The following PNPT1 variants were observed in gnomAD, a reference collection of about 807,000 sequenced individuals.
PNPT1 encodes polyribonucleotide nucleotidyltransferase 1, also known as polyribonucleotide nucleotidyltransferase 1, mitochondrial.
A neutral mutation model predicts 119.5 loss-of-function variants in PNPT1; 53 were observed. That is an observed-to-expected ratio of 0.44 (90% CI 0.36 to 0.56). The LOEUF (loss-of-function observed/expected upper bound fraction) is 0.56. PNPT1 is among the 20% of genes least tolerant of loss of function. The pLI, the probability that PNPT1 is intolerant of heterozygous loss-of-function variation, is 0.00. For missense variants in PNPT1, 948 were observed against 938.5 expected (o/e 1.01, Z -0.13); for synonymous variants, 357 against 322.1 (o/e 1.11, Z -1.16).
At chr2:55,683,680 A>T in intron 5 of PNPT1, 105 bp downstream of exon 5, 1 of 1,084,672 alleles carries the variant, frequency 9.2e-7, no homozygotes. Context: ...AGTATCATAA[A>T]AAATTCTTAT....
At chr2:55,688,515 A>T (rs1183399350) in intron 1 of PNPT1, among the ~76,000 whole-genome samples, 1 of 151,974 alleles carries the variant, frequency 6.6e-6, no homozygotes, top group Non-Finnish European at 1.5e-5. Flanking sequence ...ACCCGAGGTC[A>T]GGAGTTCAAG....
intron 19 of PNPT1, among the ~76,000 whole-genome samples, 158 bp downstream of exon 19, chr2:55,647,189 A>C (rs1696030443): frequency 6.6e-6 from 1 of 152,188 alleles, no homozygotes; most frequent in Non-Finnish European, 1.5e-5. Flanking sequence ...GAGGAAGGGA[A>C]GAACAAGTAC....
At chr2:55,642,433 C>T (rs77431267) in intron 25 of PNPT1, among the ~76,000 whole-genome samples, 25,953 of 151,048 alleles carry the variant, frequency 0.17, 2,568 homozygotes, top group East Asian at 0.32. Context: ...GGTAAAACCC[C>T]GTCTCTACTA....
At chr2:55,656,478 T>C in intron 15 of PNPT1, 107 bp from the exon 16 acceptor site, 1 of 1,087,130 alleles carries the variant, frequency 9.2e-7, no homozygotes, top group South Asian at 1.6e-5. Flanking sequence ...GAATCTCATT[T>C]TTGTTTTTTA....
intron 8 of PNPT1, among the ~76,000 whole-genome samples, chr2:55,678,321 ATT>A (rs1380608935): frequency 6.6e-6 from 1 of 152,154 alleles, no homozygotes; most frequent in Non-Finnish European, 1.5e-5. Context: ...TCCTCTCTAC[ATT>A]TTGATAGTTA....
chr2:55,642,328 C>T (rs559689619), intron 25 of PNPT1, among the ~76,000 whole-genome samples: 14 of 150,154 alleles, frequency 9.3e-5, no homozygotes, highest in Non-Finnish European at 1.8e-4. Context: ...TTCAGTTGGC[C>T]GGGCGCGGTG....
intron 10 of PNPT1, 94 bp from the exon 11 acceptor site, chr2:55,671,470 ACT>A (rs1572822637): frequency 1.4e-6 from 1 of 692,348 alleles, no homozygotes; most frequent in Non-Finnish European, 2.3e-6. Context: ...ATTGTGAATT[ACT>A]CTGATTTCTT....
chr2:55,683,653 G>A (rs1389833363), intron 5 of PNPT1, 132 bp downstream of exon 5: 16 of 650,806 alleles, frequency 2.5e-5, no homozygotes, highest in African/African-American at 1.7e-4. Flanking sequence ...TTTCAAAAAC[G>A]TAATGTAAAA....
chr2:55,647,493 A>C, intron 18 of PNPT1, 40 bp from the exon 19 acceptor site: 1 of 1,454,978 alleles, frequency 6.9e-7, no homozygotes, highest in Non-Finnish European at 9.4e-7. Context: ...TAATGTGTAC[A>C]TGAGCCTAAA....
chr2:55,686,217 T>C (rs1031881119), intron 3 of PNPT1, among the ~76,000 whole-genome samples, 153 bp downstream of exon 3: 3 of 152,228 alleles, frequency 2.0e-5, no homozygotes, highest in African/African-American at 7.2e-5. Flanking sequence ...AAGCAGTTTA[T>C]ACTCTTTTAA....
In PNPT1 at chr2:55,647,383, A is replaced by T. The variant is rs754237697; in HGVS notation, c.1566T>A (p.Gly522=). 23 of 1,609,780 alleles carry T rather than the reference A, an allele frequency of 1.4e-5. No individual in the cohort carries two copies. Among genetic ancestry groups the T allele is most frequent in the Non-Finnish European group, 2.0e-5 (23 of 1,177,366 alleles). Residue 522 remains glycine (G), a synonymous_variant, in exon 19 of 28, where the codon GGT becomes GGA. Coordinates refer to ENST00000447944, the MANE Select transcript of PNPT1 (RefSeq NM_033109.5). ...TCAGCAAACGATAATCTTCTATTTC[A>T]CCCTTCTCAGGATCGGTTTTGGTGA... The part of the protein sequence containing the change: ...GLVTKTDPEK[G]EIEDYRLLTD...
intron 19 of PNPT1, among the ~76,000 whole-genome samples, chr2:55,647,023 G>A (rs193026732): frequency 3.9e-4 from 60 of 152,166 alleles, no homozygotes; most frequent in African/African-American, 1.4e-3. Flanking sequence ...TTTTAGTAGA[G>A]ATGGAGTTTT....
At chr2:55,642,677 C>G (rs1572795467) in intron 25 of PNPT1, among the ~76,000 whole-genome samples, 1 of 147,370 alleles carries the variant, frequency 6.8e-6, no homozygotes, top group East Asian at 2.0e-4. Context: ...AGAACTGCTA[C>G]TTTAATTTTA....
chr2:55,667,663 G>A (rs963143470), intron 12 of PNPT1, among the ~76,000 whole-genome samples, 199 bp downstream of exon 12: 7 of 151,680 alleles, frequency 4.6e-5, no homozygotes, highest in East Asian at 1.9e-4. Flanking sequence ...GGCAGGCACC[G>A]CTTTATACAC....
rs1256784302 is a variant in PNPT1, at chr2:55,643,308, T to A, written c.2013+11A>T. 6.2e-7 allele frequency: 1 copy of A among 1,612,410 alleles called. No individual in the cohort carries two copies. Among genetic ancestry groups the A allele is most frequent in the East Asian group, 2.2e-5 (1 of 44,868 alleles). ...GCTATATGATACGTAATTAATATGA[T>A]CTATACTTACATCATCCTTGCAGAT... On this transcript the variant is annotated intron_variant, in intron 24 of 27. Transcript: ENST00000447944.
chr2:55,655,463 A>G (rs1480646550), intron 17 of PNPT1, among the ~76,000 whole-genome samples: 2 of 152,198 alleles, frequency 1.3e-5, no homozygotes, highest in Non-Finnish European at 2.9e-5. Flanking sequence ...CAGATATTCT[A>G]ATAGACTTCC....
At chr2:55,649,323 T>C (rs751159162) in intron 18 of PNPT1, among the ~76,000 whole-genome samples, 2 of 152,202 alleles carry the variant, frequency 1.3e-5, no homozygotes, top group African/African-American at 2.4e-5. Context: ...ATGTTCAAAA[T>C]TGAATCACTG....
chr2:55,691,829 A>G (rs553973345), intron 1 of PNPT1, among the ~76,000 whole-genome samples: 2 of 129,338 alleles, frequency 1.5e-5, no homozygotes, highest in South Asian at 2.6e-4. Context: ...TTTCTATATT[A>G]CTCTTCAATT....
chr2:55,637,653 A>G, intron 26 of PNPT1, 54 bp from the exon 27 acceptor site: 1 of 1,376,002 alleles, frequency 7.3e-7, no homozygotes, highest in South Asian at 1.2e-5. Context: ...TGTAGTGTCC[A>G]TGGAAGTACA....
Sources: allele counts gnomAD v4.1 joint callset (sites outside exome capture counted in the v4.1 genomes callset), GRCh38; gene constraint gnomAD v4.1.1; transcripts MANE v1.5; gene names NCBI Gene and HGNC (gene_info 2026-07-23, HGNC 2026-07-21).